Variants in DAB2IP observed in about 807,000 individuals in gnomAD.
DAB2IP encodes disabled homolog 2-interacting protein.
Under a neutral mutation model 107.2 loss-of-function variants are expected in DAB2IP, and 28 were observed. The ratio of observed to expected loss-of-function variants is 0.26; its 90% confidence interval spans 0.19 to 0.36. DAB2IP has a LOEUF of 0.36. DAB2IP is among the 10% of genes least tolerant of loss of function. The pLI is 1.00. For synonymous variants in DAB2IP, 755 were observed against 706.4 expected, an observed-to-expected ratio of 1.07 and a Z score of -1.09; for missense variants, 1,400 against 1,644.7, an observed-to-expected ratio of 0.85 and a Z score of 2.57.
intron 3 of DAB2IP, among the ~76,000 whole-genome samples, chr9:121,740,171 A>G (rs1320187385): frequency 6.6e-6 from 1 of 152,106 alleles, no homozygotes; most frequent in Non-Finnish European, 1.5e-5. Flanking sequence ...GAGGGGCCTG[A>G]ATGTTCTCTG....
intron 1 of DAB2IP, among the ~76,000 whole-genome samples, chr9:121,579,218 C>A (rs1392340491): frequency 6.6e-6 from 1 of 152,154 alleles, no homozygotes; most frequent in Non-Finnish European, 1.5e-5. Flanking sequence ...ACTGTTCATG[C>A]TTATTTAAAA....
Position 121,699,438 on chromosome 9 carries a change from C to T in DAB2IP, c.342C>T (p.Ala114=), listed in dbSNP as rs945264033. The T allele has an allele frequency of 2.1e-6, 3 of 1,445,242 alleles. No homozygotes were observed. The highest frequency in any genetic ancestry group is 1.8e-6 in the Non-Finnish European group (2 of 1,087,326). 89.5% of individuals were successfully genotyped at this position (1,445,242 alleles called of 1,614,324 possible). The change falls in exon 3 of 16, where the codon GCC becomes GCT. Residue 114 remains alanine, a synonymous_variant. Transcript: ENST00000408936. This position sits in a 1 kb window ranked among gnomAD's most constrained non-coding sequence, Gnocchi z 6.2. ...TGCCGGGGTTCCGGAGCGCCGCCGC[C>T]GCCGCCGCGGACAATGAGAGGTGAG...
In DAB2IP at chr9:121,760,547, C is replaced by T. The variant is rs898524762; in HGVS notation, c.1170+108C>T. The T allele has an allele frequency of 5.2e-5, 70 of 1,340,148 alleles. No individual in the cohort carries two copies. The highest frequency in any genetic ancestry group is 3.5e-4 in the African/African-American group (24 of 67,734). The allele number at this position is 1,340,148 out of a possible 1,614,324, so 83.0% of individuals were successfully genotyped here. The stretch of plus-strand genomic sequence containing the variant: ...GGCCTAACAGAGGCCTTGGAGGCAC[C>T]GGTCACTACCAGAAGGGCTCCCTAA... On this transcript the variant is annotated intron_variant, in intron 6 of 15. Coordinates refer to ENST00000408936, the Ensembl canonical transcript of DAB2IP. This position sits in a 1 kb window ranked among gnomAD's most constrained non-coding sequence, Gnocchi z 5.9.
At chr9:121,768,365 G>GA in intron 9 of DAB2IP, 67 bp from the exon 10 acceptor site, 1 of 1,548,318 alleles carries the variant, frequency 6.5e-7, no homozygotes, top group East Asian at 2.3e-5. Flanking sequence ...TGGTGTCCCA[G>GA]TGGAGGGAGT....
intron 3 of DAB2IP, chr9:121,751,834 C>T (rs1833140193): frequency 1.4e-6 from 1 of 710,072 alleles, no homozygotes. Context: ...TCCCCTCTGC[C>T]CTCCCATGCC....
At position 121,701,013 on chromosome 9, in the gene DAB2IP, A is replaced by G. The variant is rs1182891457; in HGVS notation, c.362+1555A>G. On this transcript the variant is annotated intron_variant, in intron 3 of 15. Coordinates refer to ENST00000408936, the Ensembl canonical transcript of DAB2IP. This position sits in a 1 kb window ranked among gnomAD's most constrained non-coding sequence, Gnocchi z 4.7. ...CCCGGTTTGCTGCCTTCCTCCCTCC[A>G]CCGGGCCCCTGCCTTCGGCTGTCTT... Among the ~76,000 whole-genome samples the G allele has an allele frequency of 2.0e-5, 3 of 151,848 alleles. No homozygotes were observed. The highest frequency in any genetic ancestry group is 2.1e-4 in the South Asian group (1 of 4,794).
chr9:121,653,590 C>T (rs547366875), intron 1 of DAB2IP, among the ~76,000 whole-genome samples: 3 of 152,216 alleles, frequency 2.0e-5, no homozygotes, highest in East Asian at 1.9e-4. Flanking sequence ...CTGTTCAGAC[C>T]ACCCTGGGGC....
At chr9:121,618,133 C>A (rs1589414328) in intron 1 of DAB2IP, among the ~76,000 whole-genome samples, 1 of 152,142 alleles carries the variant, frequency 6.6e-6, no homozygotes, top group East Asian at 1.9e-4. Flanking sequence ...TACCTAAAAA[C>A]CCAAGGAGGC....
chr9:121,595,489 G>A (rs1304501243), intron 1 of DAB2IP, among the ~76,000 whole-genome samples: 4 of 151,950 alleles, frequency 2.6e-5, no homozygotes, highest in Non-Finnish European at 5.9e-5. Context: ...TGTAGTCCTA[G>A]CTACTCAGGA....
intron 3 of DAB2IP, among the ~76,000 whole-genome samples, chr9:121,705,270 C>T (rs2118756321): frequency 6.6e-6 from 1 of 152,282 alleles, no homozygotes; most frequent in South Asian, 2.1e-4. Flanking sequence ...GTATGTGTTG[C>T]AAGTGTGCAC....
At chr9:121,725,327 C>G (rs1419716306) in intron 3 of DAB2IP, among the ~76,000 whole-genome samples, 2 of 152,138 alleles carry the variant, frequency 1.3e-5, no homozygotes, top group Non-Finnish European at 2.9e-5. Flanking sequence ...GTCCATATTC[C>G]CCTAACGAGC....
chr9:121,578,398 C>T (rs1830113734), intron 1 of DAB2IP, among the ~76,000 whole-genome samples: 1 of 152,000 alleles, frequency 6.6e-6, no homozygotes, highest in Non-Finnish European at 1.5e-5. Flanking sequence ...CTGCAAAGCT[C>T]CCCTTCCCCA....
intron 1 of DAB2IP, among the ~76,000 whole-genome samples, chr9:121,613,549 T>C (rs1001522711): frequency 3.3e-5 from 5 of 152,150 alleles, no homozygotes; most frequent in African/African-American, 7.2e-5. Context: ...GATGTCTCCT[T>C]CCCCTGAGAG....
chr9:121,630,759 C>A (rs1316689298), intron 1 of DAB2IP, among the ~76,000 whole-genome samples: 3 of 151,796 alleles, frequency 2.0e-5, no homozygotes, highest in Non-Finnish European at 4.4e-5. Context: ...AGGTGTGCAC[C>A]ACTACACCCA....
rs767790723 is a variant in DAB2IP, at chr9:121,699,464, C to CCCG, written c.362+18_362+20dup. ...GCCGCCGCGGACAATGAGAGGTGAG[C>CCCG]CCGCCGCCGCCGCCCGGTCCCCCGC... On this transcript the variant is annotated splice_region_variant and intron_variant, in intron 3 of 15. Coordinates refer to ENST00000408936, the Ensembl canonical transcript of DAB2IP. The surrounding 1 kb of genome is among the most constrained non-coding windows in gnomAD (Gnocchi z 6.2). The CCCG allele has an allele frequency of 1.6e-5, 21 of 1,344,884 alleles. No homozygotes were observed. In the East Asian group the frequency reaches 4.7e-4, roughly 30 times the overall value. The allele number at this position is 1,344,884 out of a possible 1,614,324, so 83.3% of individuals were successfully genotyped here.
At chr9:121,605,780 G>A (rs562013742) in intron 1 of DAB2IP, among the ~76,000 whole-genome samples, 2 of 152,256 alleles carry the variant, frequency 1.3e-5, no homozygotes, top group East Asian at 1.9e-4. Flanking sequence ...TGCTGGGGTT[G>A]TATGCATGAG....
chr9:121,737,249 T>C (rs1159163071), intron 3 of DAB2IP: 2 of 985,300 alleles, frequency 2.0e-6, no homozygotes, highest in Admixed American at 6.1e-5. Flanking sequence ...ATAGTTTGCT[T>C]TCAGGAGTGT....
chr9:121,604,624 C>T (rs12551571), intron 1 of DAB2IP, among the ~76,000 whole-genome samples: 35,707 of 152,096 alleles, frequency 0.23, 5,033 homozygotes, highest in East Asian at 0.37. Context: ...TCTTCCTGCC[C>T]CTCTGGGTGT....
At chr9:121,687,188 G>T (rs1828927414) in intron 2 of DAB2IP, among the ~76,000 whole-genome samples, 1 of 152,198 alleles carries the variant, frequency 6.6e-6, no homozygotes, top group African/African-American at 2.4e-5. Flanking sequence ...AGAACATACT[G>T]CTGGGGGCTG....
Sources: allele counts gnomAD v4.1 joint callset (sites outside exome capture counted in the v4.1 genomes callset), GRCh38; gene constraint gnomAD v4.1.1; non-coding constraint Gnocchi (gnomAD v3.1); transcripts MANE v1.5; gene names NCBI Gene and HGNC (gene_info 2026-07-23, HGNC 2026-07-21).